SLC51A: variants seen among roughly 807,000 people sequenced by gnomAD.
SLC51A encodes organic solute transporter subunit alpha.
A neutral mutation model predicts 34.8 loss-of-function variants in SLC51A; 22 were observed. That is an observed-to-expected ratio of 0.63 (90% CI 0.45 to 0.90). The LOEUF (loss-of-function observed/expected upper bound fraction) is 0.90. Ranked by LOEUF, SLC51A falls within the 40% of genes least tolerant of loss-of-function variation. The pLI is 0.00. For synonymous variants in SLC51A, 181 were observed against 176.3 expected (o/e 1.03, Z -0.21); for missense variants, 371 against 414.8 (o/e 0.89, Z 0.92).
At chr3:196,233,042 G>A (rs1286851943) in intron 8 of SLC51A, 21 bp from the exon 9 acceptor site, 6 of 1,613,056 alleles carry the variant, frequency 3.7e-6, no homozygotes, top group Admixed American at 3.3e-5. Flanking sequence ...AACCTACGCT[G>A]TATTTCACCC....
intron 7 of SLC51A, 90 bp from the exon 8 acceptor site, chr3:196,232,329 C>A (rs528424764): frequency 8.4e-6 from 8 of 948,178 alleles, no homozygotes; most frequent in Non-Finnish European, 1.3e-5. Context: ...ACCTGCCCAG[C>A]GGAAGGGCAA....
Position 196,233,238 on chromosome 3 carries a change from T to C in SLC51A, c.*39T>C, listed in dbSNP as rs1259427271. On this transcript the variant is annotated 3_prime_UTR_variant, in exon 9 of 9. Transcript: ENST00000296327. ...GACAATGAAAGGATGCTGTACTCAT[T>C]AGAATACAAGATTCCTTTACTGTCC... is the stretch of plus-strand genomic sequence containing the variant. 1.2e-6 allele frequency: 2 copies of C among 1,605,688 alleles called. No individual in the cohort carries two copies. The highest frequency in any genetic ancestry group is 2.7e-5 in the African/African-American group (2 of 74,676).
At chr3:196,221,997 C>T (rs989046140) in intron 2 of SLC51A, among the ~76,000 whole-genome samples, 2 of 152,098 alleles carry the variant, frequency 1.3e-5, no homozygotes, top group Non-Finnish European at 2.9e-5. Flanking sequence ...GGATGACAGG[C>T]GTGAGCCCCC....
Position 196,221,557 on chromosome 3 carries a change from C to T in SLC51A, c.133+3621C>T, listed in dbSNP as rs6776024. ...CTGGGATTACAGGCGTGAATCACTG[C>T]GCCCGGCCTTAAAGCTACTTTTTAT... On this transcript the variant is annotated intron_variant, in intron 2 of 8. Coordinates refer to ENST00000296327, the MANE Select transcript of SLC51A (RefSeq NM_152672.6). 3.4e-3 allele frequency among the ~76,000 whole-genome samples: 520 copies of T among 152,196 alleles called. 3 individuals carry two copies. Among genetic ancestry groups the T allele is most frequent in the African/African-American group, 0.011 (477 of 41,516 alleles).
At chr3:196,231,217 G>A (rs1724022679) in intron 7 of SLC51A, among the ~76,000 whole-genome samples, 1 of 152,180 alleles carries the variant, frequency 6.6e-6, no homozygotes, top group Non-Finnish European at 1.5e-5. Context: ...AACGGGGCTA[G>A]AATTTATACC....
rs767246739 is a variant in SLC51A, at chr3:196,220,109, G to A, written c.133+2173G>A. 2.1e-3 allele frequency among the ~76,000 whole-genome samples: 314 copies of A among 152,378 alleles called. 4 individuals carry two copies. The highest frequency in any genetic ancestry group is 5.3e-4 in the Non-Finnish European group (36 of 68,038). ...GCAGGATTCAAGGATCCTGGTGGAA[G>A]AGCAGGGGACAATTGAGAGGGCCGG... On this transcript the variant is annotated intron_variant, in intron 2 of 8. Coordinates refer to ENST00000296327, the MANE Select transcript of SLC51A (RefSeq NM_152672.6).
intron 2 of SLC51A, among the ~76,000 whole-genome samples, chr3:196,219,664 C>T (rs11185518): frequency 0.13 from 20,472 of 152,192 alleles, 1,818 homozygotes; most frequent in East Asian, 0.33. Flanking sequence ...GCTGGTGGTA[C>T]AAGCCTTCCC....
chr3:196,223,198 C>T (rs147722295), intron 2 of SLC51A, among the ~76,000 whole-genome samples: 1,619 of 151,962 alleles, frequency 0.011, 34 homozygotes, highest in African/African-American at 0.037. Context: ...GTGCTTCCTT[C>T]TCTGAGCCTC....
chr3:196,231,231 G>A (rs1035641451), intron 7 of SLC51A, among the ~76,000 whole-genome samples: 1 of 152,232 alleles, frequency 6.6e-6, no homozygotes, highest in African/African-American at 2.4e-5. Flanking sequence ...TTATACCCAG[G>A]TATGTCTTGA....
intron 2 of SLC51A, among the ~76,000 whole-genome samples, chr3:196,224,451 T>C (rs1284809011): frequency 6.7e-6 from 1 of 149,290 alleles, no homozygotes; most frequent in East Asian, 2.1e-4. Flanking sequence ...TCCCAGCACT[T>C]TGGGAGGCCG....
Position 196,217,197 on chromosome 3 carries a change from C to A in SLC51A, c.38+447C>A, listed in dbSNP as rs539281690. On this transcript the variant is annotated intron_variant, in intron 1 of 8. Transcript: ENST00000296327. Reference sequence around the variant, plus strand: ...TGGCTAGGTGGCAGCTTGTCTTACTCCCCCACCTGGGCCAGTTCTCCACTC... The same window carrying A: ...TGGCTAGGTGGCAGCTTGTCTTACTACCCCACCTGGGCCAGTTCTCCACTC... 7.9e-5 allele frequency among the ~76,000 whole-genome samples: 12 copies of A among 152,298 alleles called. No individual in the cohort carries two copies. In the South Asian group the frequency reaches 2.3e-3, roughly 29 times the overall value.
intron 7 of SLC51A, among the ~76,000 whole-genome samples, chr3:196,231,285 CACA>C (rs1358359869): frequency 2.6e-5 from 4 of 152,234 alleles, no homozygotes; most frequent in Admixed American, 1.3e-4. Flanking sequence ...CCTTCATCTT[CACA>C]ACGCTTCTGA....
chr3:196,216,848 C>T lies in SLC51A; in HGVS notation c.38+98C>T, dbSNP rs1723595088. Reference sequence around the variant, plus strand: ...CCCTCCCAGAGCCCTTTGGCGGCCGCACTCAGAATGAGACAGGACTGGAAA... The same window carrying T: ...CCCTCCCAGAGCCCTTTGGCGGCCGTACTCAGAATGAGACAGGACTGGAAA... On this transcript the variant is annotated intron_variant, in intron 1 of 8. Transcript: ENST00000296327. This position sits in a 1 kb window ranked among gnomAD's most constrained non-coding sequence, Gnocchi z 4.5. The T allele has an allele frequency of 3.2e-6, 4 of 1,259,182 alleles. No homozygotes were observed. Among genetic ancestry groups the T allele is most frequent in the Non-Finnish European group, 4.4e-6 (4 of 908,268 alleles). 78.0% of individuals were successfully genotyped at this position (1,259,182 alleles called of 1,614,324 possible). A position where few individuals can be genotyped will look rare whatever the true frequency, so the allele number is the denominator to read the frequency against.
chr3:196,217,855 C>G lies in SLC51A; in HGVS notation c.52C>G (p.Leu18Val). 1 of 1,613,712 alleles carries G rather than the reference C, an allele frequency of 6.2e-7. No individual in the cohort carries two copies. Among genetic ancestry groups the G allele is most frequent in the Non-Finnish European group, 8.5e-7 (1 of 1,179,844 alleles). ...IKLDPRYTAD[L>V]LEVLKTNYGI... ...GTGTCTCGCCAGGTACACAGCAGATCTTCTGGAGGTGCTGAAGACCAATTA... is the reference window on the plus strand; with the variant it reads ...GTGTCTCGCCAGGTACACAGCAGATGTTCTGGAGGTGCTGAAGACCAATTA... The change falls in exon 2 of 9, where the codon CTT becomes GTT. Residue 18 changes from leucine to valine, a missense_variant. Leu to Val is a conservative substitution (Grantham distance 32). Coordinates refer to ENST00000296327, the MANE Select transcript of SLC51A (RefSeq NM_152672.6).
chr3:196,229,182 G>A (rs1723970783), intron 6 of SLC51A, among the ~76,000 whole-genome samples: 1 of 152,134 alleles, frequency 6.6e-6, no homozygotes, highest in Admixed American at 6.5e-5. Context: ...GCCGAGGTGG[G>A]AGGATTGCTC....
chr3:196,231,992 C>G (rs1343656900), intron 7 of SLC51A, among the ~76,000 whole-genome samples: 1 of 152,208 alleles, frequency 6.6e-6, no homozygotes. Context: ...TCCCTGCAGT[C>G]TCTGGGATGG....
At chr3:196,224,892 T>A (rs1459076588) in intron 2 of SLC51A, among the ~76,000 whole-genome samples, 1 of 151,828 alleles carries the variant, frequency 6.6e-6, no homozygotes, top group Non-Finnish European at 1.5e-5. Context: ...AAATTTAAGT[T>A]GTTTAATTTT....
At chr3:196,227,323 G>C (rs1463403891) in intron 3 of SLC51A, 1 of 607,980 alleles carries the variant, frequency 1.6e-6, no homozygotes, top group Non-Finnish European at 2.9e-6. Flanking sequence ...TAAGGGCTGC[G>C]GAGACAGCTG....
At chr3:196,232,113 T>A (rs1403905089) in intron 7 of SLC51A, among the ~76,000 whole-genome samples, 3 of 152,194 alleles carry the variant, frequency 2.0e-5, no homozygotes, top group Admixed American at 6.5e-5. Context: ...CATCTCTTTA[T>A]CCATTGAGTG....
Sources: allele counts gnomAD v4.1 joint callset (sites outside exome capture counted in the v4.1 genomes callset), GRCh38; gene constraint gnomAD v4.1.1; non-coding constraint Gnocchi (gnomAD v3.1); transcripts MANE v1.5; gene names NCBI Gene and HGNC (gene_info 2026-07-23, HGNC 2026-07-21).